The following LRBA variants were observed in gnomAD, a reference collection of about 807,000 sequenced individuals.
LRBA encodes the protein lipopolysaccharide-responsive and beige-like anchor protein.
A neutral mutation model predicts 330.0 loss-of-function variants in LRBA; 176 were observed. The observed-to-expected ratio is 0.53, with a 90% CI of 0.47 to 0.60. The LOEUF is 0.60. Among genes scored for constraint, LRBA ranks in the 20% least tolerant of loss-of-function variants. The pLI is 0.00. For missense variants in LRBA, 3,259 were observed against 3,444.8 expected (o/e 0.95, Z 1.35); for synonymous variants, 1,230 against 1,193.0 (o/e 1.03, Z -0.64).
intron 37 of LRBA, among the ~76,000 whole-genome samples, chr4:150,646,514 C>T (rs1779153073): frequency 6.6e-6 from 1 of 151,980 alleles, no homozygotes; most frequent in Admixed American, 6.6e-5. Context: ...TGAATGAGAT[C>T]ACAAGGGATA....
chr4:150,851,921 G>A lies in LRBA; in HGVS notation c.3789C>T (p.Asn1263=), dbSNP rs150689413. Residue 1263 remains asparagine, a synonymous_variant, in exon 23 of 57, where the codon AAC becomes AAT. Coordinates refer to ENST00000651943, the MANE Select transcript of LRBA (RefSeq NM_001364905.1). ...TERLELKASP[N]VEAPQPHRHV... is the part of the protein sequence containing the mutation. Reference sequence around the variant, plus strand: ...GTCGATGAGGTTGAGGTGCTTCCACGTTGGGACTGGCCTTCAACTCCAGCC... The same window carrying A: ...GTCGATGAGGTTGAGGTGCTTCCACATTGGGACTGGCCTTCAACTCCAGCC... 21 of 1,613,706 alleles carry A rather than the reference G, an allele frequency of 1.3e-5. No homozygotes were observed. The highest frequency in any genetic ancestry group is 6.7e-5 in the Admixed American group (4 of 59,978).
At chr4:150,594,227 G>C (rs1289820038) in intron 38 of LRBA, among the ~76,000 whole-genome samples, 1 of 151,806 alleles carries the variant, frequency 6.6e-6, no homozygotes, top group Non-Finnish European at 1.5e-5. Flanking sequence ...GTTAGCAGCA[G>C]TAAAATTACC....
chr4:151,005,628 G>A (rs1185171136), intron 2 of LRBA, among the ~76,000 whole-genome samples: 9 of 121,050 alleles, frequency 7.4e-5, no homozygotes, highest in Admixed American at 2.8e-4. Context: ...TTTTGGAGAC[G>A]TAATCTCATT....
chr4:150,850,334 TC>T lies in LRBA; in HGVS notation c.4004+389del, dbSNP rs5862940. ...TGGTCTCGACCTCCTGACCTTATGA[TC>T]CGCCTGCATCGGCCTCCCAAAGTGC... On this transcript the variant is annotated intron_variant, in intron 24 of 56. Transcript: ENST00000651943. 6.6e-3 allele frequency among the ~76,000 whole-genome samples: 1,006 copies of T among 152,188 alleles called. 7 individuals are homozygous for T. Among genetic ancestry groups the T allele is most frequent in the Middle Eastern group, 0.02 (6 of 294 alleles).
intron 14 of LRBA, among the ~76,000 whole-genome samples, chr4:150,899,293 C>A (rs546177904): frequency 1.3e-5 from 2 of 152,138 alleles, no homozygotes; most frequent in African/African-American, 4.8e-5. Flanking sequence ...GAAAGGGGAC[C>A]GGCTGCTTGC....
intron 26 of LRBA, among the ~76,000 whole-genome samples, chr4:150,846,585 A>AG (rs555216970): frequency 3.4e-4 from 51 of 151,880 alleles, no homozygotes; most frequent in African/African-American, 9.9e-4. Context: ...TGAGGGGGTG[A>AG]GGGGGGTCTG....
intron 2 of LRBA, among the ~76,000 whole-genome samples, chr4:150,953,664 C>G (rs1032026118): frequency 3.0e-4 from 46 of 152,130 alleles, no homozygotes; most frequent in Non-Finnish European, 6.0e-4. Context: ...TCACTGAGTG[C>G]TCAATGTTGC....
At chr4:150,829,500 G>C (rs967592173) in intron 29 of LRBA, among the ~76,000 whole-genome samples, 4 of 152,070 alleles carry the variant, frequency 2.6e-5, no homozygotes, top group African/African-American at 9.7e-5. Context: ...GTCCTAATAG[G>C]ACTTCACATA....
intron 56 of LRBA, among the ~76,000 whole-genome samples, chr4:150,267,904 A>G (rs967819440): frequency 1.3e-5 from 2 of 152,078 alleles, no homozygotes; most frequent in African/African-American, 4.8e-5. Flanking sequence ...TACTAAAAAT[A>G]CAAAAATTAA....
intron 48 of LRBA, among the ~76,000 whole-genome samples, chr4:150,333,037 A>C (rs1734192253): frequency 6.6e-6 from 1 of 152,146 alleles, no homozygotes; most frequent in Non-Finnish European, 1.5e-5. Context: ...ATATACATAC[A>C]CATACTAGAC....
At chr4:150,520,900 A>C (rs914708652) in intron 40 of LRBA, among the ~76,000 whole-genome samples, 2 of 152,188 alleles carry the variant, frequency 1.3e-5, no homozygotes, top group Admixed American at 6.5e-5. Context: ...AATAATATGT[A>C]CACCAACCTA....
chr4:150,836,961 T>C (rs1164156376), intron 28 of LRBA, among the ~76,000 whole-genome samples: 1 of 152,230 alleles, frequency 6.6e-6, no homozygotes, highest in African/African-American at 2.4e-5. Context: ...TACACACTGC[T>C]TTAAATGTGT....
At chr4:150,923,668 T>C (rs62344602) in intron 4 of LRBA, among the ~76,000 whole-genome samples, 16,136 of 152,070 alleles carry the variant, frequency 0.11, 1,176 homozygotes, top group South Asian at 0.26. Flanking sequence ...AAATGAAAAA[T>C]CTCATTTGCA....
chr4:150,492,802 C>A (rs917118312), intron 40 of LRBA, among the ~76,000 whole-genome samples: 1 of 152,010 alleles, frequency 6.6e-6, no homozygotes, highest in Non-Finnish European at 1.5e-5. Context: ...TTCCACTCTG[C>A]CTGGAATGTT....
intron 53 of LRBA, among the ~76,000 whole-genome samples, chr4:150,299,628 A>G (rs1729395491): frequency 6.6e-6 from 1 of 152,012 alleles, no homozygotes; most frequent in South Asian, 2.1e-4. Flanking sequence ...TCAACTTTAC[A>G]TATAACATCA....
chr4:150,682,349 A>G lies in LRBA; in HGVS notation c.5921+1202T>C, dbSNP rs545200971. On this transcript the variant is annotated intron_variant, in intron 37 of 56. Coordinates refer to ENST00000651943, the MANE Select transcript of LRBA (RefSeq NM_001364905.1). Reference sequence around the variant, plus strand: ...GATCACTGACCCATGAATAGATGTTATTTCCATAACCACTCTTGCACCTGC... The same window carrying G: ...GATCACTGACCCATGAATAGATGTTGTTTCCATAACCACTCTTGCACCTGC... 3.3e-5 allele frequency among the ~76,000 whole-genome samples: 5 copies of G among 152,296 alleles called. No individual in the cohort carries two copies. The South Asian group carries it at 1.0e-3, about 32-fold the overall frequency.
At chr4:150,835,333 T>A (rs1414890690) in intron 28 of LRBA, among the ~76,000 whole-genome samples, 2 of 152,206 alleles carry the variant, frequency 1.3e-5, no homozygotes, top group African/African-American at 4.8e-5. Flanking sequence ...TTTATCCAAT[T>A]CTGTGAAGAA....
intron 48 of LRBA, among the ~76,000 whole-genome samples, chr4:150,339,297 C>T (rs1354384031): frequency 6.6e-6 from 1 of 152,132 alleles, no homozygotes; most frequent in African/African-American, 2.4e-5. Context: ...TTCCTTCATT[C>T]CTGTCAAAGT....
chr4:150,558,523 C>T (rs1367946436), intron 40 of LRBA, among the ~76,000 whole-genome samples: 1 of 152,142 alleles, frequency 6.6e-6, no homozygotes, highest in East Asian at 1.9e-4. Context: ...TCTTCGGACA[C>T]TTATGTATGT....
Sources: gnomAD v4.1 joint callset for allele counts (sites outside exome capture counted in the v4.1 genomes callset) on GRCh38, gnomAD v4.1.1 for gene constraint, MANE v1.5 for transcripts, NCBI Gene and HGNC (gene_info 2026-07-23, HGNC 2026-07-21) for gene names.